GCN1: variants seen among roughly 807,000 people sequenced by gnomAD.
The protein encoded by GCN1 is stalled ribosome sensor GCN1.
A neutral mutation model predicts 288.4 loss-of-function variants in GCN1; 90 were observed. The observed-to-expected ratio is 0.31, with a 90% CI of 0.26 to 0.37. GCN1 has a LOEUF of 0.37. Among genes scored for constraint, GCN1 ranks in the 10% least tolerant of loss-of-function variants. GCN1 has a pLI of 1.00. For missense variants in GCN1, 2,586 were observed against 3,419.9 expected (o/e 0.76, Z 6.08); for synonymous variants, 1,386 against 1,420.2 (o/e 0.98, Z 0.54).
intron 1 of GCN1, 64 bp downstream of exon 1, chr12:120,194,616 C>T (rs991753939): frequency 7.5e-5 from 109 of 1,459,516 alleles, no homozygotes; most frequent in Middle Eastern, 1.7e-4. Context: ...AGAGGGGCCC[C>T]GCCCGACGGC....
At position 120,164,346 on chromosome 12, in the gene GCN1, C is replaced by A; in HGVS notation, c.1838G>T (p.Ser613Ile). Residue 613 changes from serine (S) to isoleucine (I), a missense_variant, in exon 18 of 58, where the codon AGT (serine) becomes ATT (isoleucine). Transcript: ENST00000300648. Reference protein sequence around the residue: ...GLLEELKTVLSSHKVLPLEAL... With the variant: ...GLLEELKTVLISHKVLPLEAL... Reference sequence around the variant, plus strand: ...CCCAGATGCCCTCACCTTGTGAGAACTGAGGACAGTCTTCAGCTCCTCCAA... The same window carrying A: ...CCCAGATGCCCTCACCTTGTGAGAAATGAGGACAGTCTTCAGCTCCTCCAA... 2 of 1,613,762 alleles carry A rather than the reference C, an allele frequency of 1.2e-6. No individual in the cohort carries two copies. The highest frequency in any genetic ancestry group is 2.2e-5 in the South Asian group (2 of 91,070).
intron 8 of GCN1, 21 bp downstream of exon 8, chr12:120,177,663 T>A: frequency 6.3e-7 from 1 of 1,595,446 alleles, no homozygotes; most frequent in Non-Finnish European, 8.6e-7. Context: ...TCCAGGTGAG[T>A]AACGTCCACC....
In GCN1 at chr12:120,142,758, C is replaced by T; in HGVS notation, c.5614-36G>A. 6.2e-7 allele frequency: 1 copy of T among 1,606,630 alleles called. No homozygotes were observed. Among genetic ancestry groups the T allele is most frequent in the Middle Eastern group, 1.7e-4 (1 of 6,048 alleles). On this transcript the variant is annotated intron_variant, in intron 43 of 57. Transcript: ENST00000300648. This position sits in a 1 kb window ranked among gnomAD's most constrained non-coding sequence, Gnocchi z 4.9. ...TAGAAGGGGACAGAGAGTAGTGAAG[C>T]CTCTATGGCATGGGCATCAGGGCAC... is the stretch of plus-strand genomic sequence containing the variant.
rs1335584127 is a variant in GCN1, at chr12:120,149,937, G to A, written c.4416C>T (p.Asn1472=). 1 of 1,614,030 alleles carries A rather than the reference G, an allele frequency of 6.2e-7. No homozygotes were observed. The highest frequency in any genetic ancestry group is 2.2e-5 in the East Asian group (1 of 44,896). The part of the protein sequence containing the change: ...PHLLLCFGDG[N]QYVREAADDC... ...GGGGACTTACCTCACGCACATACTG[G>A]TTTCCATCCCCAAAGCACAGGAGCA... The change falls in exon 35 of 58, where the codon AAC becomes AAT. Residue 1472 remains asparagine (N), a synonymous_variant. Coordinates refer to ENST00000300648, the MANE Select transcript of GCN1 (RefSeq NM_006836.2).
chr12:120,175,748 C>A lies in GCN1; in HGVS notation c.1040G>T (p.Gly347Val), dbSNP rs1256129811. The A allele has an allele frequency of 6.2e-7, 1 of 1,611,352 alleles. No homozygotes were observed. Among genetic ancestry groups the A allele is most frequent in the Non-Finnish European group, 8.5e-7 (1 of 1,178,996 alleles). The change falls in exon 11 of 58, where the codon GGA (glycine) becomes GTA (valine). Residue 347 changes from glycine to valine, a missense_variant and splice_region_variant. By Grantham distance (109) the Gly-to-Val change is moderately radical. This residue lies in a region of GCN1 where 913 missense variants were observed against 1,107.0 expected (regional missense o/e 0.82). Coordinates refer to ENST00000300648, the MANE Select transcript of GCN1 (RefSeq NM_006836.2). ...SLTKHLFAIL[G>V]GSEGKLTVVA... ...CATGGCCAAGAAGGCTTGCTCACCT[C>A]CGAGGATAGCAAATAGGTGCTTGGT...
At chr12:120,169,168 C>T (rs147343501) in intron 15 of GCN1, among the ~76,000 whole-genome samples, 2 of 151,084 alleles carry the variant, frequency 1.3e-5, no homozygotes, top group Admixed American at 6.6e-5. Context: ...GGCGGCGTAG[C>T]GCCTGTAGTC....
chr12:120,137,435 A>T lies in GCN1; in HGVS notation c.6663+110T>A. ...AACAAGACTTGCCACGAGTGGGTAA[A>T]CGCCGAAGCTGAGTGACAGGTACGT... On this transcript the variant is annotated intron_variant, in intron 49 of 57. Coordinates refer to ENST00000300648, the MANE Select transcript of GCN1 (RefSeq NM_006836.2). The surrounding 1 kb of genome is among the most constrained non-coding windows in gnomAD (Gnocchi z 5.2). The T allele has an allele frequency of 2.1e-6, 3 of 1,418,824 alleles. No homozygotes were observed. The highest frequency in any genetic ancestry group is 3.0e-6 in the Non-Finnish European group (3 of 1,010,936). 87.9% of individuals were successfully genotyped at this position (1,418,824 alleles called of 1,614,324 possible). A position where few individuals can be genotyped will look rare whatever the true frequency, so the allele number is the denominator to read the frequency against.
chr12:120,191,619 A>G (rs1879006811), intron 1 of GCN1, among the ~76,000 whole-genome samples: 1 of 152,246 alleles, frequency 6.6e-6, no homozygotes, highest in South Asian at 2.1e-4. Flanking sequence ...AATCCCTGCC[A>G]TAATTCTATT....
At chr12:120,187,180 A>G (rs954878460) in intron 2 of GCN1, among the ~76,000 whole-genome samples, 7 of 152,086 alleles carry the variant, frequency 4.6e-5, no homozygotes, top group Non-Finnish European at 7.4e-5. Context: ...AAGTGGACAG[A>G]AAGGGAGACC....
At chr12:120,147,454 CA>C (rs1877398441) in intron 37 of GCN1, among the ~76,000 whole-genome samples, 182 bp from the exon 38 acceptor site, 1 of 152,154 alleles carries the variant, frequency 6.6e-6, no homozygotes, top group Non-Finnish European at 1.5e-5. Flanking sequence ...TGTTTCACTC[CA>C]ACTCCTGACC....
intron 36 of GCN1, among the ~76,000 whole-genome samples, chr12:120,148,991 T>A (rs1877448446): frequency 6.6e-6 from 1 of 151,478 alleles, no homozygotes. Flanking sequence ...GGCCTATTTT[T>A]TTTTTTTTTG....
intron 14 of GCN1, among the ~76,000 whole-genome samples, chr12:120,173,230 T>C (rs926393014): frequency 2.0e-5 from 3 of 152,056 alleles, no homozygotes; most frequent in Admixed American, 2.0e-4. Flanking sequence ...CTAATTTTTG[T>C]ATTTTTAGTA....
intron 1 of GCN1, among the ~76,000 whole-genome samples, chr12:120,192,771 A>G (rs985081222): frequency 5.6e-5 from 8 of 142,500 alleles, no homozygotes; most frequent in Non-Finnish European, 1.1e-4. Flanking sequence ...AAGGCCGGGC[A>G]TGGTGGTTCA....
chr12:120,146,679 C>CGA (rs1271053608), intron 38 of GCN1, among the ~76,000 whole-genome samples: 1 of 152,178 alleles, frequency 6.6e-6, no homozygotes, highest in African/African-American at 2.4e-5. Context: ...AGTGAGATCA[C>CGA]ACATGCAAGC....
At chr12:120,149,581 A>C in intron 36 of GCN1, 25 bp downstream of exon 36, 8 of 1,507,046 alleles carry the variant, frequency 5.3e-6, no homozygotes, top group Non-Finnish European at 7.4e-6. Flanking sequence ...GAAGCTGGGA[A>C]GAGAGGCAGA....
chr12:120,145,126 G>A, intron 39 of GCN1, 65 bp from the exon 40 acceptor site: 1 of 1,595,912 alleles, frequency 6.3e-7, no homozygotes, highest in South Asian at 1.1e-5. Context: ...TAGCCACATG[G>A]GAGCAGGAAG....
Position 120,144,254 on chromosome 12 carries a change from G to T in GCN1, c.5495+52C>A. ...GCTTTCCAGAGTGCTCGGATTATAG[G>T]CATGAGCCACCACGCATCATCCCCA... On this transcript the variant is annotated intron_variant, in intron 42 of 57. Coordinates refer to ENST00000300648, the MANE Select transcript of GCN1 (RefSeq NM_006836.2). The surrounding 1 kb of genome is among the most constrained non-coding windows in gnomAD (Gnocchi z 4.7). 2.5e-6 allele frequency: 4 copies of T among 1,600,514 alleles called. No individual in the cohort carries two copies. In the South Asian group the frequency reaches 3.3e-5, roughly 13 times the overall value.
chr12:120,152,666 A>ATATATATAAATATATATATATT (rs1449651294), intron 33 of GCN1, among the ~76,000 whole-genome samples: 2 of 139,540 alleles, frequency 1.4e-5, no homozygotes, highest in African/African-American at 5.3e-5. Flanking sequence ...CACAAAATAT[A>ATATATATAAATATATATATATT]TATATATAAA....
intron 2 of GCN1, among the ~76,000 whole-genome samples, chr12:120,188,505 C>T (rs1036070627): frequency 7.3e-5 from 11 of 151,156 alleles, no homozygotes; most frequent in Non-Finnish European, 1.6e-4. Flanking sequence ...GGCCAATCAC[C>T]TACTACCATG....
Sources: gnomAD v4.1 joint callset for allele counts (sites outside exome capture counted in the v4.1 genomes callset) on GRCh38, gnomAD v4.1.1 for gene constraint, gnomAD v4.1.1 regional missense constraint, Gnocchi (gnomAD v3.1) non-coding constraint, MANE v1.5 for transcripts, NCBI Gene and HGNC (gene_info 2026-07-23, HGNC 2026-07-21) for gene names.